EPHA6: variants seen among roughly 807,000 people sequenced by gnomAD.
EPHA6 encodes EPH receptor A6, also known as ephrin type-A receptor 6.
Under a neutral mutation model 112.0 loss-of-function variants are expected in EPHA6, and 50 were observed. That is an observed-to-expected ratio of 0.45 (90% CI 0.36 to 0.56). The LOEUF is 0.56. Among genes scored for constraint, EPHA6 ranks in the 20% least tolerant of loss-of-function variants. The probability of loss-of-function intolerance (pLI) is 0.00; values close to 1 mark genes in which losing one functional copy is unlikely to be tolerated. For synonymous variants in EPHA6, 529 were observed against 490.7 expected, an observed-to-expected ratio of 1.08 and a Z score of -1.03; for missense variants, 1,280 against 1,417.4, an observed-to-expected ratio of 0.90 and a Z score of 1.56.
chr3:97,661,467 G>A (rs1488811501), intron 14 of EPHA6, among the ~76,000 whole-genome samples: 1 of 152,108 alleles, frequency 6.6e-6, no homozygotes, highest in African/African-American at 2.4e-5. Context: ...TGGTTCTCAA[G>A]ATGCAAATTC....
At chr3:97,610,164 C>T (rs926153226) in intron 12 of EPHA6, among the ~76,000 whole-genome samples, 6 of 151,514 alleles carry the variant, frequency 4.0e-5, no homozygotes, top group South Asian at 2.1e-4. Flanking sequence ...GCCATCATTG[C>T]TCTGTTGATT....
intron 6 of EPHA6, 120 bp from the exon 7 acceptor site, chr3:97,448,448 C>G: frequency 9.5e-7 from 1 of 1,055,890 alleles, no homozygotes; most frequent in South Asian, 1.6e-5. Flanking sequence ...GCTAACACTA[C>G]TTTGTAATCA....
At chr3:97,161,601 G>A (rs1305484173) in intron 3 of EPHA6, among the ~76,000 whole-genome samples, 1 of 152,118 alleles carries the variant, frequency 6.6e-6, no homozygotes, top group Non-Finnish European at 1.5e-5. Flanking sequence ...AAGCCCACAA[G>A]GCGCTGTGCC....
chr3:97,279,456 G>T (rs1291491321), intron 5 of EPHA6, among the ~76,000 whole-genome samples: 6 of 151,744 alleles, frequency 4.0e-5, no homozygotes, highest in African/African-American at 7.3e-5. Flanking sequence ...AGCATCTTTT[G>T]AGTGCTGTCA....
intron 14 of EPHA6, among the ~76,000 whole-genome samples, chr3:97,714,506 A>C (rs1431646893): frequency 6.6e-6 from 1 of 152,236 alleles, no homozygotes; most frequent in Non-Finnish European, 1.5e-5. Flanking sequence ...TGCCTCTCTG[A>C]AAGAGGCTGG....
intron 7 of EPHA6, among the ~76,000 whole-genome samples, chr3:97,452,627 T>C (rs546384424): frequency 6.6e-6 from 1 of 151,848 alleles, no homozygotes; most frequent in African/African-American, 2.4e-5. Context: ...GAATCAGTAG[T>C]AAGAAAGTAA....
chr3:97,464,029 C>G (rs116621768), intron 7 of EPHA6, among the ~76,000 whole-genome samples: 1,710 of 152,248 alleles, frequency 0.011, 34 homozygotes, highest in African/African-American at 0.039. Flanking sequence ...TATTCCTGAT[C>G]CACACAGCCA....
chr3:96,866,958 C>A, intron 2 of EPHA6, 69 bp downstream of exon 2: 1 of 903,976 alleles, frequency 1.1e-6, no homozygotes, highest in Non-Finnish European at 1.6e-6. Flanking sequence ...GTTGATGGAA[C>A]AGTGAATTTT....
intron 5 of EPHA6, among the ~76,000 whole-genome samples, chr3:97,357,930 G>A (rs1209229833): frequency 1.3e-5 from 2 of 152,050 alleles, no homozygotes; most frequent in Non-Finnish European, 2.9e-5. Context: ...GTAGGCTGAG[G>A]AGAAGAAAGA....
At chr3:97,653,581 G>T (rs2094120297) in intron 14 of EPHA6, among the ~76,000 whole-genome samples, 2 of 151,838 alleles carry the variant, frequency 1.3e-5, no homozygotes, top group Admixed American at 1.3e-4. Flanking sequence ...CAGCTATCAT[G>T]GAAAACAGTC....
At chr3:97,747,101 TAAG>T (rs1384009133) in intron 16 of EPHA6, among the ~76,000 whole-genome samples, 3 of 151,614 alleles carry the variant, frequency 2.0e-5, no homozygotes, top group Non-Finnish European at 3.0e-5. Context: ...GAAAAAAGTA[TAAG>T]AAGAAGGGGG....
At chr3:97,458,316 C>G (rs1577468731) in intron 7 of EPHA6, among the ~76,000 whole-genome samples, 1 of 152,200 alleles carries the variant, frequency 6.6e-6, no homozygotes, top group East Asian at 1.9e-4. Flanking sequence ...TATAAAATAG[C>G]TGATTCACAT....
chr3:97,449,210 A>T (rs1196847824), intron 7 of EPHA6, among the ~76,000 whole-genome samples: 2 of 152,104 alleles, frequency 1.3e-5, no homozygotes, highest in African/African-American at 2.4e-5. Flanking sequence ...TAATTCCGGG[A>T]CCTCAACATG....
At chr3:97,277,645 A>C (rs1474746804) in intron 5 of EPHA6, among the ~76,000 whole-genome samples, 2 of 152,216 alleles carry the variant, frequency 1.3e-5, no homozygotes, top group African/African-American at 4.8e-5. Context: ...ACTTTAGGCA[A>C]TTGTAACACA....
chr3:97,420,844 GACA>G (rs1007874825), intron 6 of EPHA6, among the ~76,000 whole-genome samples: 2 of 123,514 alleles, frequency 1.6e-5, no homozygotes, highest in African/African-American at 8.0e-5. Context: ...AAGACAAACA[GACA>G]AAAAAAAAAA....
chr3:97,461,003 C>G (rs1265856068), intron 7 of EPHA6, among the ~76,000 whole-genome samples: 1 of 152,066 alleles, frequency 6.6e-6, no homozygotes, highest in African/African-American at 2.4e-5. Context: ...GGAGTATCTG[C>G]CTCCTAATGT....
chr3:97,319,466 G>A (rs984544837), intron 5 of EPHA6, among the ~76,000 whole-genome samples: 5 of 151,056 alleles, frequency 3.3e-5, no homozygotes, highest in African/African-American at 4.9e-5. Context: ...TCAGGAGTTC[G>A]AGACCAGCCT....
chr3:97,398,102 CAGT>C (rs2086792492), intron 5 of EPHA6, among the ~76,000 whole-genome samples: 1 of 151,324 alleles, frequency 6.6e-6, no homozygotes, highest in Non-Finnish European at 1.5e-5. Flanking sequence ...ATATTTTTCT[CAGT>C]AGTCATTCTT....
intron 6 of EPHA6, among the ~76,000 whole-genome samples, chr3:97,414,947 G>C (rs900231336): frequency 6.6e-6 from 1 of 151,912 alleles, no homozygotes; most frequent in Non-Finnish European, 1.5e-5. Context: ...CTAAGCTTTT[G>C]TATTTCATAT....
Sources: gnomAD v4.1 joint callset for allele counts (sites outside exome capture counted in the v4.1 genomes callset) on GRCh38, gnomAD v4.1.1 for gene constraint, MANE v1.5 for transcripts, NCBI Gene and HGNC (gene_info 2026-07-23, HGNC 2026-07-21) for gene names.